The following TANC1 variants were observed in gnomAD, a reference collection of about 807,000 sequenced individuals.
The protein encoded by TANC1 is tetratricopeptide repeat, ankyrin repeat and coiled-coil containing 1.
TANC1 carries 77 observed loss-of-function variants against 149.7 expected under a neutral mutation model. The ratio of observed to expected loss-of-function variants is 0.51; its 90% CI spans 0.43 to 0.62. The LOEUF is 0.62. Ranked by LOEUF, TANC1 falls within the 20% of genes least tolerant of loss-of-function variation. TANC1 has a pLI of 0.00. For missense variants in TANC1, 1,985 were observed against 2,321.8 expected, an observed-to-expected ratio of 0.85 and a Z score of 2.98; for synonymous variants, 854 against 925.0, an observed-to-expected ratio of 0.92 and a Z score of 1.39.
intron 4 of TANC1, among the ~76,000 whole-genome samples, chr2:159,129,874 T>C (rs1052161308): frequency 2.6e-5 from 4 of 152,216 alleles, no homozygotes; most frequent in Non-Finnish European, 5.9e-5. Context: ...GCACTTCACT[T>C]GAACCTGACT....
At chr2:159,116,909 G>A (rs1225701543) in intron 4 of TANC1, among the ~76,000 whole-genome samples, 1 of 152,194 alleles carries the variant, frequency 6.6e-6, no homozygotes, top group African/African-American at 2.4e-5. Context: ...TAGACTGCTC[G>A]TTGATAACCA....
rs1179340004 is a variant in TANC1 at position 158,981,542 on chromosome 2, TAA to T, written c.-126+12762_-126+12763del. ...ATATATATATATATATATATATATA[TAA>T]AGAAGTAACAGCTTAGAGTTTAAAA... On this transcript the variant is annotated intron_variant, in intron 1 of 26. Transcript: ENST00000263635. Among the ~76,000 whole-genome samples, 290 of 88,374 alleles carry T rather than the reference TAA, an allele frequency of 3.3e-3. 14 individuals are homozygous for T. Among genetic ancestry groups the T allele is most frequent in the Non-Finnish European group, 5.0e-3 (213 of 42,402 alleles). The allele number at this position is 88,374 out of a possible 152,430, so 58.0% of individuals were successfully genotyped here.
rs111517052 is a variant in TANC1 at position 159,134,807 on chromosome 2, G to C, written c.260-1387G>C. On this transcript the variant is annotated intron_variant, in intron 4 of 26. Transcript: ENST00000263635. Reference sequence around the variant, plus strand: ...CTCTTTGTTATTATTTTTGTATAGAGACCAGGTCTTCACTGTGTTGCCCAG... The same window carrying C: ...CTCTTTGTTATTATTTTTGTATAGACACCAGGTCTTCACTGTGTTGCCCAG... Among the ~76,000 whole-genome samples, 163 of 151,766 alleles carry C rather than the reference G, an allele frequency of 1.1e-3. 3 individuals carry two copies. The highest frequency in any genetic ancestry group is 3.7e-3 in the African/African-American group (155 of 41,402).
intron 1 of TANC1, among the ~76,000 whole-genome samples, chr2:158,969,845 C>G (rs1246116082): frequency 3.3e-5 from 5 of 152,246 alleles, no homozygotes. Flanking sequence ...CTCCTGCCAG[C>G]TCCAGATCCG....
intron 8 of TANC1, among the ~76,000 whole-genome samples, chr2:159,168,724 T>G (rs2054874627): frequency 6.6e-6 from 1 of 152,186 alleles, no homozygotes; most frequent in Non-Finnish European, 1.5e-5. Context: ...AATGTGTATA[T>G]AAGTCTACAC....
intron 3 of TANC1, among the ~76,000 whole-genome samples, chr2:159,071,661 T>A (rs1290034032): frequency 6.6e-6 from 1 of 152,206 alleles, no homozygotes; most frequent in Non-Finnish European, 1.5e-5. Flanking sequence ...CAGTGGTACC[T>A]TCTAAACATG....
chr2:159,116,349 C>T (rs1375345507), intron 4 of TANC1, among the ~76,000 whole-genome samples: 1 of 151,940 alleles, frequency 6.6e-6, no homozygotes, highest in Non-Finnish European at 1.5e-5. Flanking sequence ...ATCGCTTGAA[C>T]CCAGGAGGCA....
At position 159,157,351 on chromosome 2, in the gene TANC1, A is replaced by G. The variant is rs536540415; in HGVS notation, c.683-5932A>G. 3.3e-5 allele frequency among the ~76,000 whole-genome samples: 5 copies of G among 152,248 alleles called. No individual in the cohort carries two copies. The East Asian group carries it at 9.7e-4, about 29-fold the overall frequency. ...TGGCCGGGCCTAGGTAGGGGTGGAA[A>G]TAAAAGTACAGTCTGGCAATTCTGG... On this transcript the variant is annotated intron_variant, in intron 7 of 26. Transcript: ENST00000263635.
chr2:159,214,800 G>A (rs2150891248), intron 19 of TANC1, among the ~76,000 whole-genome samples: 1 of 152,308 alleles, frequency 6.6e-6, no homozygotes, highest in South Asian at 2.1e-4. Flanking sequence ...GCTGTCTGCT[G>A]CAAACATAGA....
rs542400043 is a variant in TANC1 at position 159,072,010 on chromosome 2, C to T, written c.61+6039C>T. Among the ~76,000 whole-genome samples the T allele has an allele frequency of 5.0e-4, 76 of 152,234 alleles. No individual in the cohort carries two copies. In the South Asian group the frequency reaches 0.013, roughly 27 times the overall value. ...TTTTTTGTTTTTTGAGATGAAGTCT[C>T]GGCTCTGTTGCCTGGGCTGGAGTGC... On this transcript the variant is annotated intron_variant, in intron 3 of 26. Transcript: ENST00000263635.
chr2:159,080,003 A>C (rs1159467672), intron 3 of TANC1, among the ~76,000 whole-genome samples: 1 of 152,160 alleles, frequency 6.6e-6, no homozygotes, highest in Non-Finnish European at 1.5e-5. Context: ...TGTTTCTGGG[A>C]AATTCCCTAA....
At chr2:159,013,382 C>A (rs888330328) in intron 2 of TANC1, among the ~76,000 whole-genome samples, 1 of 152,152 alleles carries the variant, frequency 6.6e-6, no homozygotes, top group South Asian at 2.1e-4. Context: ...TTATAATAGG[C>A]CTGCCATCTG....
chr2:158,978,522 G>A (rs2033944399), intron 1 of TANC1, among the ~76,000 whole-genome samples: 1 of 152,210 alleles, frequency 6.6e-6, no homozygotes, highest in South Asian at 2.1e-4. Context: ...CAGATGCAGT[G>A]AGTTCAAGGG....
intron 22 of TANC1, among the ~76,000 whole-genome samples, chr2:159,223,079 T>G (rs181717589): frequency 1.3e-5 from 2 of 152,180 alleles, no homozygotes; most frequent in Non-Finnish European, 2.9e-5. Context: ...CTTATTTTTG[T>G]ATTTTTAGTA....
At chr2:159,073,913 G>A (rs1365163094) in intron 3 of TANC1, among the ~76,000 whole-genome samples, 3 of 152,174 alleles carry the variant, frequency 2.0e-5, no homozygotes, top group East Asian at 3.9e-4. Flanking sequence ...CTTTTATTTC[G>A]TGGCTGGTGA....
At chr2:159,057,835 T>C (rs1428743010) in intron 2 of TANC1, among the ~76,000 whole-genome samples, 3 of 152,226 alleles carry the variant, frequency 2.0e-5, no homozygotes, top group Non-Finnish European at 4.4e-5. Context: ...TGGTGTGTTT[T>C]GAAGTGGGTG....
At chr2:159,126,822 G>T (rs1050885794) in intron 4 of TANC1, among the ~76,000 whole-genome samples, 1 of 152,242 alleles carries the variant, frequency 6.6e-6, no homozygotes, top group Admixed American at 6.5e-5. Flanking sequence ...AGAGCATCGA[G>T]AGTTCAGTCA....
chr2:159,146,833 A>C (rs1309643826), intron 5 of TANC1, among the ~76,000 whole-genome samples: 1 of 151,508 alleles, frequency 6.6e-6, no homozygotes, highest in Admixed American at 6.6e-5. Flanking sequence ...GAGCCACCGC[A>C]CCCGGCTTAG....
intron 16 of TANC1, 79 bp downstream of exon 16, chr2:159,187,103 C>G: frequency 6.4e-7 from 1 of 1,555,612 alleles, no homozygotes; most frequent in Non-Finnish European, 8.7e-7. Flanking sequence ...CCCTGTTTCC[C>G]TCTGCCCTGG....
Sources: gnomAD v4.1 joint callset for allele counts (sites outside exome capture counted in the v4.1 genomes callset) on GRCh38, gnomAD v4.1.1 for gene constraint, MANE v1.5 for transcripts, NCBI Gene and HGNC (gene_info 2026-07-23, HGNC 2026-07-21) for gene names.